Variants in VPS13A observed in about 807,000 individuals in gnomAD.
VPS13A encodes the protein vacuolar protein sorting 13 homolog A.
In VPS13A, 264 loss-of-function variants were observed where a neutral mutation model predicts 390.9. That is an observed-to-expected ratio of 0.68 (90% confidence interval 0.61 to 0.75). VPS13A has a LOEUF of 0.75. VPS13A is among the 30% of genes least tolerant of loss of function. VPS13A has a pLI of 0.00. For missense variants in VPS13A, 3,409 were observed against 3,733.9 expected, an observed-to-expected ratio of 0.91 and a Z score of 2.27; for synonymous variants, 1,231 against 1,227.1, an observed-to-expected ratio of 1.00 and a Z score of -0.07.
At chr9:77,382,465 T>C in intron 68 of VPS13A, 3 of 1,365,098 alleles carry the variant, frequency 2.2e-6, no homozygotes, top group Non-Finnish European at 2.8e-6. Flanking sequence ...AGGGTGTTCT[T>C]AGTTCTGCAC....
intron 56 of VPS13A, 40 bp from the exon 57 acceptor site, chr9:77,358,317 A>C: frequency 6.7e-7 from 1 of 1,485,676 alleles, no homozygotes; most frequent in Non-Finnish European, 9.4e-7. Flanking sequence ...AGGTTGTATA[A>C]TTGACATATT....
chr9:77,391,948 AC>A (rs1833916181), intron 68 of VPS13A, among the ~76,000 whole-genome samples: 2 of 152,232 alleles, frequency 1.3e-5, no homozygotes, highest in South Asian at 2.1e-4. Context: ...TAGTAGAGTT[AC>A]AGCCCTGAAG....
Position 77,226,527 on chromosome 9 carries a change from G to A in VPS13A, c.1286G>A (p.Gly429Glu), listed in dbSNP as rs141033246. The A allele has an allele frequency of 1.9e-6, 3 of 1,612,912 alleles. No individual in the cohort carries two copies. The highest frequency in any genetic ancestry group is 2.7e-5 in the African/African-American group (2 of 74,864). ...GTAAAAGATCCAGAGGATAATAAAG[G>A]GTGGTTTAGCTGGCTATGGTCTTGG... The part of the protein sequence containing the change: ...EGVKDPEDNK[G>E]WFSWLWSWSE... Residue 429 changes from glycine to glutamate, a missense_variant, in exon 15 of 72, where the codon GGG becomes GAG. Gly to Glu is a moderately conservative substitution (Grantham distance 98). Coordinates refer to ENST00000360280, the MANE Select transcript of VPS13A (RefSeq NM_033305.3).
At chr9:77,290,833 T>C (rs1827610138) in intron 31 of VPS13A, among the ~76,000 whole-genome samples, 2 of 152,216 alleles carry the variant, frequency 1.3e-5, no homozygotes, top group African/African-American at 4.8e-5. Flanking sequence ...TCACCATCTA[T>C]TCATGCATAT....
At chr9:77,239,058 C>G (rs1015458429) in intron 19 of VPS13A, among the ~76,000 whole-genome samples, 1 of 151,634 alleles carries the variant, frequency 6.6e-6, no homozygotes, top group Non-Finnish European at 1.5e-5. Flanking sequence ...TTTTTTGTAT[C>G]CTTACTGGAT....
chr9:77,207,252 T>TATATACGTATATATATATATAA lies in VPS13A; in HGVS notation c.385+1174_385+1175insTATACGTATATATATATATAAA. ...ATATATATATATATATATATATATA[T>TATATACGTATATATATATATAA]AAAACGTGTTATATGTAACATAACA... On this transcript the variant is annotated intron_variant, in intron 5 of 71. Coordinates refer to ENST00000360280, the MANE Select transcript of VPS13A (RefSeq NM_033305.3). Among the ~76,000 whole-genome samples the TATATACGTATATATATATATAA allele has an allele frequency of 1.1e-4, 10 of 87,274 alleles. No homozygotes were observed. In the East Asian group the frequency reaches 1.8e-3, roughly 16 times the overall value. The allele number at this position is 87,274 out of a possible 152,430, so 57.3% of individuals were successfully genotyped here.
chr9:77,382,505 G>A (rs1286614482), intron 68 of VPS13A: 2 of 1,283,748 alleles, frequency 1.6e-6, no homozygotes, highest in Non-Finnish European at 2.0e-6. Flanking sequence ...GGAAGCCTTT[G>A]TACCTTATGT....
intron 22 of VPS13A, among the ~76,000 whole-genome samples, chr9:77,255,034 T>C (rs1368062443): frequency 6.6e-6 from 1 of 152,172 alleles, no homozygotes; most frequent in Non-Finnish European, 1.5e-5. Context: ...CTCTCTTGAA[T>C]AGAAGTAGTT....
rs184259898 is a variant in VPS13A, at chr9:77,401,565, C to T, written c.9190-1671C>T. Among the ~76,000 whole-genome samples, 337 of 152,054 alleles carry T rather than the reference C, an allele frequency of 2.2e-3. 3 individuals are homozygous for T. Among genetic ancestry groups the T allele is most frequent in the African/African-American group, 6.8e-3 (283 of 41,500 alleles). On this transcript the variant is annotated intron_variant, in intron 68 of 71. Coordinates refer to ENST00000360280, the MANE Select transcript of VPS13A (RefSeq NM_033305.3). ...TTTATCTTTTTATTACCCTTGTAAA[C>T]GGGATTTCTTTCTCTTCCATTTCCA...
At chr9:77,390,977 A>G (rs1046815422) in intron 68 of VPS13A, among the ~76,000 whole-genome samples, 3 of 152,228 alleles carry the variant, frequency 2.0e-5, no homozygotes, top group Non-Finnish European at 2.9e-5. Flanking sequence ...AGAAAATTCA[A>G]TACATTATAA....
rs1263501189 is a variant in VPS13A, at chr9:77,416,990, C to CAGTT, written c.*986_*989dup. 6.6e-6 allele frequency: 1 copy of CAGTT among 152,492 alleles called. No homozygotes were observed. The highest frequency in any genetic ancestry group is 2.4e-5 in the African/African-American group (1 of 41,446). The allele number at this position is 152,492 out of a possible 1,614,324, so 9.4% of individuals were successfully genotyped here. Reference sequence around the variant, plus strand: ...GAGAATTTCTGGTTTGCTTACTCTACAGTTATTCAAATGAGAGTCACGCTT... The same window carrying CAGTT: ...GAGAATTTCTGGTTTGCTTACTCTACAGTTAGTTATTCAAATGAGAGTCACGCTT... On this transcript the variant is annotated 3_prime_UTR_variant, in exon 72 of 72. Transcript: ENST00000360280.
chr9:77,187,241 A>C (rs1193610993), intron 1 of VPS13A, among the ~76,000 whole-genome samples: 2 of 152,188 alleles, frequency 1.3e-5, no homozygotes, highest in African/African-American at 4.8e-5. Context: ...TTTGGGTTAC[A>C]TACCCAGAAG....
At chr9:77,190,593 T>C (rs1431668638) in intron 1 of VPS13A, among the ~76,000 whole-genome samples, 1 of 152,232 alleles carries the variant, frequency 6.6e-6, no homozygotes, top group East Asian at 1.9e-4. Context: ...CTTCATAAAA[T>C]AAAATGAGTT....
intron 23 of VPS13A, among the ~76,000 whole-genome samples, chr9:77,269,728 A>G (rs1826243438): frequency 6.6e-6 from 1 of 152,216 alleles, no homozygotes; most frequent in Admixed American, 6.5e-5. Context: ...GTTTGCTAAT[A>G]TATGTTGTTA....
At chr9:77,326,688 A>G (rs537737645) in intron 45 of VPS13A, among the ~76,000 whole-genome samples, 16 of 152,112 alleles carry the variant, frequency 1.1e-4, no homozygotes, top group Non-Finnish European at 2.1e-4. Flanking sequence ...ATTCTATTAC[A>G]TGTCATTTCT....
At chr9:77,387,171 C>T (rs894800336) in intron 68 of VPS13A, among the ~76,000 whole-genome samples, 1 of 150,690 alleles carries the variant, frequency 6.6e-6, no homozygotes, top group African/African-American at 2.4e-5. Flanking sequence ...TTTTGTTTTA[C>T]ACCATTGTTC....
At chr9:77,247,563 A>G (rs937868853) in intron 20 of VPS13A, among the ~76,000 whole-genome samples, 168 bp downstream of exon 20, 4 of 152,252 alleles carry the variant, frequency 2.6e-5, no homozygotes, top group African/African-American at 7.2e-5. Context: ...TGAAGTCTCA[A>G]TTAGGTAGTT....
intron 5 of VPS13A, among the ~76,000 whole-genome samples, chr9:77,206,329 T>TTATATATATA (rs58922469): frequency 2.0e-5 from 3 of 146,580 alleles, no homozygotes; most frequent in Non-Finnish European, 4.5e-5. Flanking sequence ...TACATATTTT[T>TTATATATATA]TATATATATA....
intron 54 of VPS13A, among the ~76,000 whole-genome samples, chr9:77,356,349 C>T (rs1831779036): frequency 6.6e-6 from 1 of 152,144 alleles, no homozygotes. Flanking sequence ...TTACATATTG[C>T]AGTTCTCCGG....
Sources: allele counts gnomAD v4.1 joint callset (sites outside exome capture counted in the v4.1 genomes callset), GRCh38; gene constraint gnomAD v4.1.1; transcripts MANE v1.5; gene names NCBI Gene and HGNC (gene_info 2026-07-23, HGNC 2026-07-21).